The following ATP11A variants were observed in gnomAD, a reference collection of about 807,000 sequenced individuals.
ATP11A encodes the protein phospholipid-transporting ATPase IH.
Under a neutral mutation model 154.4 loss-of-function variants are expected in ATP11A, and 81 were observed. The observed-to-expected ratio is 0.52, with a 90% CI of 0.44 to 0.63. The LOEUF (loss-of-function observed/expected upper bound fraction) is 0.63. Among genes scored for constraint, ATP11A ranks in the 30% least tolerant of loss-of-function variants. The pLI is 0.00. For missense variants in ATP11A, 1,316 were observed against 1,474.3 expected (o/e 0.89, Z 1.76); for synonymous variants, 623 against 585.9 (o/e 1.06, Z -0.91).
chr13:112,706,195 T>G (rs1011107585), intron 1 of ATP11A, among the ~76,000 whole-genome samples: 1 of 152,240 alleles, frequency 6.6e-6, no homozygotes, highest in African/African-American at 2.4e-5. Context: ...GATTTTTTTC[T>G]TTTAAATAAT....
chr13:112,765,188 G>A (rs368474956), intron 1 of ATP11A, among the ~76,000 whole-genome samples: 36 of 141,598 alleles, frequency 2.5e-4, no homozygotes, highest in African/African-American at 8.6e-4. Flanking sequence ...CTCCCCCTGG[G>A]TCTTCCAGTC....
At chr13:112,698,802 A>C (rs1413955283) in intron 1 of ATP11A, among the ~76,000 whole-genome samples, 1 of 151,932 alleles carries the variant, frequency 6.6e-6, no homozygotes. Flanking sequence ...GCTCAGTGCA[A>C]CCTCTACCTC....
chr13:112,783,679 G>A (rs543755776), intron 1 of ATP11A, among the ~76,000 whole-genome samples: 11 of 152,360 alleles, frequency 7.2e-5, no homozygotes, highest in South Asian at 2.1e-4. Flanking sequence ...GAACTGGGGC[G>A]TGGGACGAGA....
At chr13:112,870,689 C>A (rs1476597515) in intron 25 of ATP11A, among the ~76,000 whole-genome samples, 1 of 152,136 alleles carries the variant, frequency 6.6e-6, no homozygotes, top group Non-Finnish European at 1.5e-5. Flanking sequence ...CTTTTTAATT[C>A]TTTATAAAAT....
intron 1 of ATP11A, among the ~76,000 whole-genome samples, chr13:112,700,626 C>T (rs997386325): frequency 1.3e-5 from 2 of 152,242 alleles, no homozygotes; most frequent in African/African-American, 4.8e-5. Context: ...GCCCTCCTGG[C>T]CCAGTTCAGC....
chr13:112,753,013 C>A lies in ATP11A; in HGVS notation c.40-32122C>A, dbSNP rs978604121. On this transcript the variant is annotated intron_variant, in intron 1 of 29. Coordinates refer to ENST00000375645, the MANE Select transcript of ATP11A (RefSeq NM_015205.3). The surrounding 1 kb of genome is among the most constrained non-coding windows in gnomAD (Gnocchi z 4.1). ...CAGGTGAGTTAACAGGTCATCTTTT[C>A]ATCTTTCACTCTAAGTCTTGGGGCA... is the stretch of plus-strand genomic sequence containing the variant. Among the ~76,000 whole-genome samples the A allele has an allele frequency of 5.9e-5, 9 of 152,224 alleles. 1 individual carries two copies. Among genetic ancestry groups the A allele is most frequent in the Admixed American group, 3.9e-4 (6 of 15,284 alleles).
rs771094506 is a variant in ATP11A, at chr13:112,875,954, C to A, written c.3327+13C>A. Reference sequence around the variant, plus strand: ...AGAGAGAGTCCAGGTACGGAGTGTCCCCAGCCGGGGCGGGGGTGCCTCAGG... The same window carrying A: ...AGAGAGAGTCCAGGTACGGAGTGTCACCAGCCGGGGCGGGGGTGCCTCAGG... On this transcript the variant is annotated intron_variant, in intron 28 of 29. Transcript: ENST00000375645. This position sits in a 1 kb window ranked among gnomAD's most constrained non-coding sequence, Gnocchi z 4.1. 2 of 1,601,000 alleles carry A rather than the reference C, an allele frequency of 1.2e-6. No individual in the cohort carries two copies. Among genetic ancestry groups the A allele is most frequent in the Admixed American group, 1.7e-5 (1 of 59,872 alleles).
intron 2 of ATP11A, among the ~76,000 whole-genome samples, chr13:112,798,544 G>A (rs982278005): frequency 4.7e-4 from 72 of 152,340 alleles, no homozygotes; most frequent in African/African-American, 1.7e-3. Context: ...GCCCTGGGGG[G>A]CAAGAAGGAA....
At chr13:112,786,005 G>A (rs1183278962) in intron 2 of ATP11A, among the ~76,000 whole-genome samples, 3 of 112,190 alleles carry the variant, frequency 2.7e-5, no homozygotes, top group South Asian at 3.2e-4. Flanking sequence ...ACGCGTGGAC[G>A]GGCTGCACAT....
intron 25 of ATP11A, among the ~76,000 whole-genome samples, chr13:112,863,744 A>G (rs2080212034): frequency 1.1e-5 from 1 of 91,744 alleles, no homozygotes; most frequent in Non-Finnish European, 2.3e-5. Context: ...GCAGTAATTC[A>G]GTGCAGCCCA....
Position 112,882,193 on chromosome 13 carries a change from T to G in ATP11A, c.*327T>G, listed in dbSNP as rs2080902920. ...CGCCTGGACCCAGCACTGTGGTTGT[T>G]GAGCCACACCAGTGGCCTCTGGGCA... On this transcript the variant is annotated 3_prime_UTR_variant, in exon 30 of 30. Transcript: ENST00000375645. The surrounding 1 kb of genome is among the most constrained non-coding windows in gnomAD (Gnocchi z 5.1). The G allele has an allele frequency of 1.7e-6, 2 of 1,189,630 alleles. No homozygotes were observed. Among genetic ancestry groups the G allele is most frequent in the Admixed American group, 2.3e-5 (1 of 44,396 alleles). The allele number at this position is 1,189,630 out of a possible 1,614,324, so 73.7% of individuals were successfully genotyped here.
chr13:112,873,505 C>T, intron 26 of ATP11A, 68 bp from the exon 27 acceptor site: 1 of 1,250,954 alleles, frequency 8.0e-7, no homozygotes. Context: ...GGCTCTCTGT[C>T]CTGCCCATCA....
At chr13:112,798,142 A>G (rs2078047611) in intron 2 of ATP11A, among the ~76,000 whole-genome samples, 1 of 152,194 alleles carries the variant, frequency 6.6e-6, no homozygotes, top group Non-Finnish European at 1.5e-5. Context: ...ATGAGGGAGG[A>G]GCCCGCATGG....
At chr13:112,780,994 G>C (rs2077484526) in intron 1 of ATP11A, among the ~76,000 whole-genome samples, 1 of 152,036 alleles carries the variant, frequency 6.6e-6, no homozygotes, top group Admixed American at 6.6e-5. Context: ...TCTTTGCTCT[G>C]AATCCTGAAA....
At chr13:112,702,403 GGCCCCCCGCCCC>G (rs911117044) in intron 1 of ATP11A, among the ~76,000 whole-genome samples, 1 of 151,852 alleles carries the variant, frequency 6.6e-6, no homozygotes, top group African/African-American at 2.4e-5. Context: ...ACCACACGGA[GGCCCCCCGCCCC>G]GCCCCCCGCG....
intron 1 of ATP11A, among the ~76,000 whole-genome samples, chr13:112,749,833 C>G (rs1323996747): frequency 8.2e-6 from 1 of 121,896 alleles, no homozygotes; most frequent in South Asian, 2.8e-4. Context: ...GAATTTCTGT[C>G]TTAGGGAAGG....
intron 1 of ATP11A, among the ~76,000 whole-genome samples, chr13:112,704,248 C>T (rs1268187516): frequency 2.0e-5 from 3 of 152,204 alleles, no homozygotes; most frequent in African/African-American, 7.2e-5. Flanking sequence ...CTTTACCATC[C>T]ATTAAGTACT....
In ATP11A at chr13:112,785,336, A is replaced by G; in HGVS notation, c.162+79A>G. 4 of 1,338,874 alleles carry G rather than the reference A, an allele frequency of 3.0e-6. No homozygotes were observed. The highest frequency in any genetic ancestry group is 3.9e-6 in the Non-Finnish European group (4 of 1,033,350). 82.9% of individuals were successfully genotyped at this position (1,338,874 alleles called of 1,614,324 possible). Reference sequence around the variant, plus strand: ...GGGGTGTTAGTGCTTCTCGGTTTCAAAGAGCGGCTCTGCTCCTGGCCCTGC... The same window carrying G: ...GGGGTGTTAGTGCTTCTCGGTTTCAGAGAGCGGCTCTGCTCCTGGCCCTGC... On this transcript the variant is annotated intron_variant, in intron 2 of 29. Coordinates refer to ENST00000375645, the MANE Select transcript of ATP11A (RefSeq NM_015205.3). This position sits in a 1 kb window ranked among gnomAD's most constrained non-coding sequence, Gnocchi z 4.8.
At chr13:112,809,319 C>T (rs9603954) in intron 4 of ATP11A, among the ~76,000 whole-genome samples, 195 of 152,306 alleles carry the variant, frequency 1.3e-3, no homozygotes, top group African/African-American at 4.5e-3. Context: ...AAAGCTCGCA[C>T]GTTTGGATAT....
Sources: gnomAD v4.1 joint callset for allele counts (sites outside exome capture counted in the v4.1 genomes callset) on GRCh38, gnomAD v4.1.1 for gene constraint, Gnocchi (gnomAD v3.1) non-coding constraint, MANE v1.5 for transcripts, NCBI Gene and HGNC (gene_info 2026-07-23, HGNC 2026-07-21) for gene names.